Variants in MEI1 observed in about 807,000 individuals in gnomAD.
MEI1 encodes the protein meiotic double-stranded break formation protein 1, also known as meiosis inhibitor protein 1.
Under a neutral mutation model 146.2 loss-of-function variants are expected in MEI1, and 103 were observed. That is an observed-to-expected ratio of 0.70 (90% CI 0.60 to 0.83). The LOEUF (loss-of-function observed/expected upper bound fraction) is 0.83. Ranked by LOEUF, MEI1 falls within the 40% of genes least tolerant of loss-of-function variation. The probability of loss-of-function intolerance (pLI) is 0.00; values close to 1 mark genes in which losing one functional copy is unlikely to be tolerated. For missense variants in MEI1, 1,529 were observed against 1,533.0 expected, an observed-to-expected ratio of 1.00 and a Z score of 0.04; for synonymous variants, 652 against 628.2, an observed-to-expected ratio of 1.04 and a Z score of -0.57.
chr22:41,716,686 C>CTTT (rs55994680), intron 5 of MEI1, among the ~76,000 whole-genome samples: 2 of 108,126 alleles, frequency 1.8e-5, no homozygotes, highest in East Asian at 2.7e-4. Flanking sequence ...TCCATTCATT[C>CTTT]TTTTTTTTTT....
rs746990252 is a variant in MEI1, at chr22:41,781,397, G to A, written c.2926+3G>A. The A allele has an allele frequency of 5.0e-6, 8 of 1,606,896 alleles. No individual in the cohort carries two copies. The highest frequency in any genetic ancestry group is 4.0e-5 in the African/African-American group (3 of 74,782). On this transcript the variant is annotated splice_donor_region_variant and intron_variant, in intron 23 of 30. Coordinates refer to ENST00000401548, the MANE Select transcript of MEI1 (RefSeq NM_152513.4). ...CACACCCAGCAGTCAGAAAAGAGGTGCAGGGGCCCGGGCTGGGACAGTGAA... is the reference window on the plus strand; with the variant it reads ...CACACCCAGCAGTCAGAAAAGAGGTACAGGGGCCCGGGCTGGGACAGTGAA...
intron 26 of MEI1, among the ~76,000 whole-genome samples, chr22:41,787,671 C>T (rs1217951100): frequency 2.0e-5 from 3 of 152,124 alleles, no homozygotes; most frequent in South Asian, 2.1e-4. Context: ...TTTCTAAAAG[C>T]GCTGATGTTC....
chr22:41,712,249 C>T (rs7364264), intron 3 of MEI1, among the ~76,000 whole-genome samples: 112,879 of 136,944 alleles, frequency 0.82, 47,519 homozygotes, highest in African/African-American at 0.95. Context: ...TTGTTTGTTT[C>T]TTTGATACGG....
In MEI1 at chr22:41,799,240, T is replaced by C; in HGVS notation, c.3780-14T>C. The C allele has an allele frequency of 1.2e-6, 2 of 1,612,888 alleles. No homozygotes were observed. Among genetic ancestry groups the C allele is most frequent in the Non-Finnish European group, 8.5e-7 (1 of 1,179,150 alleles). On this transcript the variant is annotated splice_polypyrimidine_tract_variant and intron_variant, in intron 30 of 30. Transcript: ENST00000401548. ...CCACTTCTCTGCTGTTTTCCTCTCA[T>C]GTTTTGCTGCCAGCTGCCTGGGAGG...
At chr22:41,732,723 C>T (rs1446870627) in intron 11 of MEI1, 120 bp downstream of exon 11, 2 of 1,141,428 alleles carry the variant, frequency 1.8e-6, no homozygotes, top group South Asian at 1.9e-5. Flanking sequence ...ATAGTTGGCC[C>T]TTCATAATTG....
chr22:41,724,090 TC>T lies in MEI1; in HGVS notation c.864+19del. 6.2e-7 allele frequency: 1 copy of T among 1,613,600 alleles called. No individual in the cohort carries two copies. The highest frequency in any genetic ancestry group is 8.5e-7 in the Non-Finnish European group (1 of 1,179,666). ...CTCAAAAAGGTAGTTGTCTTGTGAT[TC>T]CTGGTCTCTAGGTTCAATAACAAGG... On this transcript the variant is annotated intron_variant, in intron 7 of 30. Coordinates refer to ENST00000401548, the MANE Select transcript of MEI1 (RefSeq NM_152513.4).
In MEI1 at chr22:41,718,274, G is replaced by A; in HGVS notation, c.733G>A (p.Gly245Ser). Residue 245 changes from glycine to serine, a missense_variant and splice_region_variant, in exon 6 of 31, where the codon GGT becomes AGT. By Grantham distance (56) the Gly-to-Ser change is moderately conservative (BLOSUM62 0). Coordinates refer to ENST00000401548, the MANE Select transcript of MEI1 (RefSeq NM_152513.4). The stretch of plus-strand genomic sequence containing the variant: ...AAAGGAGCTGCAGATTAACTGCTTG[G>A]GTAAGACATGAGGCTGGAGAAAAAA... Reference protein sequence around the residue: ...QTKELQINCLGLLRQLLKYDL... With the variant: ...QTKELQINCLSLLRQLLKYDL... 6.2e-7 allele frequency: 1 copy of A among 1,613,564 alleles called. No individual in the cohort carries two copies. Among genetic ancestry groups the A allele is most frequent in the South Asian group, 1.1e-5 (1 of 90,942 alleles).
At chr22:41,748,065 T>G (rs1048661777) in intron 14 of MEI1, 42 bp from the exon 15 acceptor site, 8 of 1,378,864 alleles carry the variant, frequency 5.8e-6, no homozygotes, top group Non-Finnish European at 8.3e-6. Flanking sequence ...CTTCAGAGGC[T>G]CAGTCCCCGT....
intron 1 of MEI1, among the ~76,000 whole-genome samples, chr22:41,701,439 G>A (rs1392412496): frequency 2.0e-5 from 3 of 151,918 alleles, no homozygotes; most frequent in Non-Finnish European, 4.4e-5. Flanking sequence ...GACCAGCCTG[G>A]CCAACATGGA....
Position 41,793,846 on chromosome 22 carries a change from C to T in MEI1, c.3363C>T (p.Ser1121=), listed in dbSNP as rs768856049. The T allele has an allele frequency of 6.2e-7, 1 of 1,610,448 alleles. No individual in the cohort carries two copies. The highest frequency in any genetic ancestry group is 8.5e-7 in the Non-Finnish European group (1 of 1,178,988). ...TTCTGCAGAAGGACCCTCTATTGTCCCAGGCCTGTGTTGGCTGCCTGGAGG... is the reference window on the plus strand; with the variant it reads ...TTCTGCAGAAGGACCCTCTATTGTCTCAGGCCTGTGTTGGCTGCCTGGAGG... ...NLLVQKDPLL[S]QACVGCLEAL... is the part of the protein sequence containing the mutation. Residue 1121 remains serine, a synonymous_variant, in exon 27 of 31, where the codon TCC becomes TCT. Coordinates refer to ENST00000401548, the MANE Select transcript of MEI1 (RefSeq NM_152513.4).
intron 27 of MEI1, 107 bp downstream of exon 27, chr22:41,794,017 T>G: frequency 9.2e-7 from 1 of 1,088,754 alleles, no homozygotes; most frequent in East Asian, 2.6e-5. Flanking sequence ...GACTCATACT[T>G]GTTTTGTTTA....
At chr22:41,799,201 C>T in intron 30 of MEI1, 53 bp from the exon 31 acceptor site, 6 of 1,571,286 alleles carry the variant, frequency 3.8e-6, no homozygotes, top group Middle Eastern at 1.7e-4. Flanking sequence ...AGTGTGATGC[C>T]CCCATGGTTG....
In MEI1 at chr22:41,718,185, T is replaced by C; in HGVS notation, c.644T>C (p.Leu215Pro). ...TCCTCACCAGTGGCAGCTGAGATGCTTTCAGGACACTTCCGTGAGAAGCTT... is the reference window on the plus strand; with the variant it reads ...TCCTCACCAGTGGCAGCTGAGATGCCTTCAGGACACTTCCGTGAGAAGCTT... ...LYSSPVAAEMLSGHFREKLFP... is the reference protein window; with the variant it reads ...LYSSPVAAEMPSGHFREKLFP... The change falls in exon 6 of 31, where the codon CTT becomes CCT. Residue 215 changes from leucine (L) to proline (P), a missense_variant. Leu to Pro is a moderately conservative substitution (Grantham distance 98, BLOSUM62 -3). Around this residue, in one of 3 missense-constraint regions of MEI1, gnomAD observed 1,212 missense variants for 1,178.9 expected, o/e 1.03. Coordinates refer to ENST00000401548, the MANE Select transcript of MEI1 (RefSeq NM_152513.4). The C allele has an allele frequency of 6.2e-7, 1 of 1,613,964 alleles. No homozygotes were observed. The highest frequency in any genetic ancestry group is 1.1e-5 in the South Asian group (1 of 91,072).
At chr22:41,751,285 T>C (rs905691923) in intron 15 of MEI1, among the ~76,000 whole-genome samples, 2 of 152,182 alleles carry the variant, frequency 1.3e-5, no homozygotes, top group Admixed American at 6.5e-5. Context: ...TGTCAGCTGC[T>C]TTAGCCCCAG....
At chr22:41,796,224 G>A (rs888057170) in intron 30 of MEI1, among the ~76,000 whole-genome samples, 7 of 152,014 alleles carry the variant, frequency 4.6e-5, no homozygotes, top group Admixed American at 6.6e-5. Context: ...GTCTTGCTCC[G>A]TCGCCCAGGC....
At chr22:41,777,817 CTTCCTTCCCTCCTTCCTTCCTTCA>C (rs923360241) in intron 21 of MEI1, among the ~76,000 whole-genome samples, 35 of 150,828 alleles carry the variant, frequency 2.3e-4, no homozygotes, top group African/African-American at 8.3e-4. Context: ...GTCTTCTTTC[CTTCCTTCCCTCCTTCCTTCCTTCA>C]TTCCTTCCCT....
At chr22:41,718,531 G>A (rs1358351578) in intron 6 of MEI1, among the ~76,000 whole-genome samples, 2 of 152,164 alleles carry the variant, frequency 1.3e-5, no homozygotes, top group African/African-American at 2.4e-5. Context: ...CTGCCCTGGT[G>A]CATCCTGTAT....
chr22:41,769,929 G>A (rs374636133), intron 19 of MEI1, among the ~76,000 whole-genome samples: 2 of 151,404 alleles, frequency 1.3e-5, no homozygotes, highest in Admixed American at 1.3e-4. Context: ...GAGGTCAGGG[G>A]TTTGAAACCA....
At chr22:41,721,237 CTTTT>C (rs984702207) in intron 6 of MEI1, among the ~76,000 whole-genome samples, 14 of 70,482 alleles carry the variant, frequency 2.0e-4, no homozygotes, top group African/African-American at 7.5e-4. Context: ...CACGCCCGTT[CTTTT>C]TTTTTTTTTT....
Sources: gnomAD v4.1 joint callset for allele counts (sites outside exome capture counted in the v4.1 genomes callset) on GRCh38, gnomAD v4.1.1 for gene constraint, gnomAD v4.1.1 regional missense constraint, MANE v1.5 for transcripts, NCBI Gene and HGNC (gene_info 2026-07-23, HGNC 2026-07-21) for gene names.